Variants in WWOX observed in about 807,000 individuals in gnomAD.
The protein encoded by WWOX is WW domain-containing oxidoreductase.
In WWOX, 69 loss-of-function variants were observed where a neutral mutation model predicts 46.2. The observed-to-expected ratio is 1.49, with a 90% CI of 1.23 to 1.82. The LOEUF (loss-of-function observed/expected upper bound fraction) is 1.82. Ranked by LOEUF, WWOX falls within the 40% of genes most tolerant of loss-of-function variation. The pLI, the probability that WWOX is intolerant of heterozygous loss-of-function variation, is 0.00. For synonymous variants in WWOX, 359 were observed against 202.6 expected, an observed-to-expected ratio of 1.77 and a Z score of -6.56; for missense variants, 919 against 542.6, an observed-to-expected ratio of 1.69 and a Z score of -6.89.
chr16:79,171,554 G>C (rs1019175510), intron 8 of WWOX, among the ~76,000 whole-genome samples: 2 of 152,078 alleles, frequency 1.3e-5, no homozygotes, highest in African/African-American at 4.8e-5. Flanking sequence ...GTAGCCCCCA[G>C]GTCCCCTAAC....
chr16:78,619,804 G>A (rs1002184873), intron 8 of WWOX, among the ~76,000 whole-genome samples: 1 of 152,056 alleles, frequency 6.6e-6, no homozygotes, highest in Non-Finnish European at 1.5e-5. Context: ...AGCTACTCAG[G>A]AGGCTGAGGC....
intron 5 of WWOX, among the ~76,000 whole-genome samples, chr16:78,365,422 G>C (rs1249469118): frequency 2.0e-5 from 3 of 152,102 alleles, no homozygotes; most frequent in African/African-American, 7.2e-5. Context: ...TAGGGTTCTT[G>C]GCACACAGAG....
intron 8 of WWOX, among the ~76,000 whole-genome samples, chr16:79,178,631 C>T (rs1210743882): frequency 2.0e-5 from 3 of 152,100 alleles, no homozygotes; most frequent in African/African-American, 7.2e-5. Flanking sequence ...TCCTGTTTTA[C>T]ATATTAAAAA....
At chr16:78,317,521 A>G (rs1462477237) in intron 5 of WWOX, among the ~76,000 whole-genome samples, 1 of 152,204 alleles carries the variant, frequency 6.6e-6, no homozygotes, top group African/African-American at 2.4e-5. Context: ...CAGGACAAGC[A>G]TCGGGTTGGA....
rs116660760 is a variant in WWOX, at chr16:78,740,356, G to A, written c.1056+307604G>A. On this transcript the variant is annotated intron_variant, in intron 8 of 8. Transcript: ENST00000566780. The stretch of plus-strand genomic sequence containing the variant: ...GTTAAATCAAGCAGCCTCTCTTGAA[G>A]CACAGTAAATGCTGACGTGATTTGT... 9.1e-3 allele frequency among the ~76,000 whole-genome samples: 1,388 copies of A among 152,294 alleles called. 23 individuals are homozygous for A. Among genetic ancestry groups the A allele is most frequent in the African/African-American group, 0.032 (1,331 of 41,570 alleles).
At position 79,212,185 on chromosome 16, in the gene WWOX, G is replaced by A. The variant is rs1223829228; in HGVS notation, c.*389G>A. ...ACCACGGCCACCACTGCAGCCGGGG[G>A]CTGGCCTTCTCCTACTTAGGGAAGA... On this transcript the variant is annotated 3_prime_UTR_variant, in exon 9 of 9. Coordinates refer to ENST00000566780, the MANE Select transcript of WWOX (RefSeq NM_016373.4). The A allele has an allele frequency of 6.8e-6, 10 of 1,471,152 alleles. No homozygotes were observed. Among genetic ancestry groups the A allele is most frequent in the East Asian group, 2.5e-5 (1 of 40,516 alleles). The allele number at this position is 1,471,152 out of a possible 1,614,324, so 91.1% of individuals were successfully genotyped here.
At chr16:78,375,472 A>G (rs1360766287) in intron 5 of WWOX, among the ~76,000 whole-genome samples, 1 of 152,238 alleles carries the variant, frequency 6.6e-6, no homozygotes, top group Non-Finnish European at 1.5e-5. Context: ...GCCTGTCCTG[A>G]AAACGTGCTC....
intron 8 of WWOX, among the ~76,000 whole-genome samples, chr16:78,508,908 G>A (rs1011919022): frequency 6.6e-6 from 1 of 152,318 alleles, no homozygotes; most frequent in Non-Finnish European, 1.5e-5. Context: ...ATTATCTTCT[G>A]CTGTTACATC....
rs1313929900 is a variant in WWOX at position 79,212,433 on chromosome 16, A to ATTCTT, written c.*639_*643dup. On this transcript the variant is annotated 3_prime_UTR_variant, in exon 9 of 9. Coordinates refer to ENST00000566780, the MANE Select transcript of WWOX (RefSeq NM_016373.4). Reference sequence around the variant, plus strand: ...CTCCTTTGCTAATGCTATGCAAAAAATTCTTTAGAGATTATAACAAATTTT... The same window carrying ATTCTT: ...CTCCTTTGCTAATGCTATGCAAAAAATTCTTTTCTTTAGAGATTATAACAAATTTT... 3 of 299,626 alleles carry ATTCTT rather than the reference A, an allele frequency of 1.0e-5. No homozygotes were observed. The South Asian group carries it at 2.5e-4, about 25-fold the overall frequency. The allele number at this position is 299,626 out of a possible 1,614,324, so 18.6% of individuals were successfully genotyped here.
At chr16:78,186,056 T>C (rs985286725) in intron 5 of WWOX, among the ~76,000 whole-genome samples, 1 of 152,214 alleles carries the variant, frequency 6.6e-6, no homozygotes, top group African/African-American at 2.4e-5. Flanking sequence ...AGTTGAGTGC[T>C]TGAAAGGTAG....
At chr16:78,539,025 A>G (rs893550010) in intron 8 of WWOX, among the ~76,000 whole-genome samples, 1 of 152,196 alleles carries the variant, frequency 6.6e-6, no homozygotes, top group African/African-American at 2.4e-5. Flanking sequence ...TAAGGAAGCA[A>G]TTCAGAGAAC....
At chr16:79,031,610 T>C (rs1390633210) in intron 8 of WWOX, among the ~76,000 whole-genome samples, 1 of 151,890 alleles carries the variant, frequency 6.6e-6, no homozygotes, top group African/African-American at 2.4e-5. Flanking sequence ...TTGTTTTGTC[T>C]TTATTTATTT....
intron 8 of WWOX, chr16:78,535,054 A>T (rs2667628): frequency 6.6e-6 from 1 of 152,072 alleles, no homozygotes; most frequent in Non-Finnish European, 1.5e-5. Flanking sequence ...ATCCCCGAGC[A>T]CCCAAGTTCC....
At chr16:78,267,092 T>G (rs1243904730) in intron 5 of WWOX, 1 of 160,928 alleles carries the variant, frequency 6.2e-6, no homozygotes, top group Non-Finnish European at 1.3e-5. Flanking sequence ...TGCCTTTGCC[T>G]CCTGCCATGA....
intron 8 of WWOX, among the ~76,000 whole-genome samples, chr16:79,030,780 T>C (rs2047737192): frequency 6.6e-6 from 1 of 152,122 alleles, no homozygotes; most frequent in Admixed American, 6.6e-5. Flanking sequence ...TGCAGACTGA[T>C]ATTCTGAAGA....
intron 8 of WWOX, among the ~76,000 whole-genome samples, chr16:78,711,909 C>T (rs144797725): frequency 6.6e-6 from 1 of 152,258 alleles, no homozygotes; most frequent in East Asian, 1.9e-4. Context: ...AATCCAAATT[C>T]AGAACAAAGC....
chr16:78,360,232 A>G (rs1031104248), intron 5 of WWOX, among the ~76,000 whole-genome samples: 9 of 152,194 alleles, frequency 5.9e-5, no homozygotes, highest in Admixed American at 5.9e-4. Context: ...TCTAAGGGAC[A>G]GCCATTTCAC....
intron 8 of WWOX, among the ~76,000 whole-genome samples, chr16:78,983,741 T>G (rs1224228301): frequency 6.6e-6 from 1 of 152,074 alleles, no homozygotes; most frequent in Non-Finnish European, 1.5e-5. Flanking sequence ...ATTTCAGGAG[T>G]GAGAGATAAA....
chr16:78,708,250 A>G lies in WWOX; in HGVS notation c.1056+275498A>G, dbSNP rs979821629. On this transcript the variant is annotated intron_variant, in intron 8 of 8. Coordinates refer to ENST00000566780, the MANE Select transcript of WWOX (RefSeq NM_016373.4). ...TAAATGTGAATTTCAGGTAAATAACATATTTTTTAAAAATGTATCCCATGC... is the reference window on the plus strand; with the variant it reads ...TAAATGTGAATTTCAGGTAAATAACGTATTTTTTAAAAATGTATCCCATGC... Among the ~76,000 whole-genome samples the G allele has an allele frequency of 3.9e-5, 6 of 152,364 alleles. No homozygotes were observed. The East Asian group carries it at 9.6e-4, about 24-fold the overall frequency.
Sources: allele counts gnomAD v4.1 joint callset (sites outside exome capture counted in the v4.1 genomes callset), GRCh38; gene constraint gnomAD v4.1.1; transcripts MANE v1.5; gene names NCBI Gene and HGNC (gene_info 2026-07-23, HGNC 2026-07-21).